The following SH3BGR variants were observed in gnomAD, a reference collection of about 807,000 sequenced individuals.
The protein encoded by SH3BGR is SH3 domain binding glutamate rich protein, also known as SH3 domain-binding glutamic acid-rich protein.
In SH3BGR, 29 loss-of-function variants were observed where a neutral mutation model predicts 24.5. The observed-to-expected ratio is 1.18, with a 90% CI of 0.88 to 1.61. SH3BGR has a LOEUF of 1.61. SH3BGR is among the 40% of genes most tolerant of loss of function. SH3BGR has a pLI of 0.00. For missense variants in SH3BGR, 162 were observed against 205.8 expected, an observed-to-expected ratio of 0.79 and a Z score of 1.30; for synonymous variants, 55 against 65.7, an observed-to-expected ratio of 0.84 and a Z score of 0.79.
rs755347374 is a variant in SH3BGR at position 39,462,392 on chromosome 21, A to T, written c.63A>T (p.Gln21His). Reference protein sequence around the residue: ...SGSIAIRKKQQEVVGFLEANK... With the variant: ...SGSIAIRKKQHEVVGFLEANK... ...TTGACCAGATTAGGAAGAAACAGCA[A>T]GAAGTAGTGGGTTTTTTGGAAGCGA... The change falls in exon 2 of 7, where the codon CAA (glutamine) becomes CAT (histidine). Residue 21 changes from glutamine (Q) to histidine (H), a missense_variant. Transcript: ENST00000333634. 1.9e-6 allele frequency: 3 copies of T among 1,607,362 alleles called. No homozygotes were observed. The East Asian group carries it at 6.7e-5, about 36-fold the overall frequency.
intron 1 of SH3BGR, among the ~76,000 whole-genome samples, chr21:39,457,189 A>G (rs931340752): frequency 2.7e-5 from 4 of 145,760 alleles, no homozygotes; most frequent in South Asian, 4.2e-4. Context: ...TGTAAGTTAT[A>G]TTACATTATA....
At chr21:39,482,802 TGGG>T (rs953739951) in intron 3 of SH3BGR, among the ~76,000 whole-genome samples, 2 of 152,152 alleles carry the variant, frequency 1.3e-5, no homozygotes, top group Non-Finnish European at 2.9e-5. Flanking sequence ...CCAGAGTAGC[TGGG>T]GTTACCCGTG....
chr21:39,463,861 T>A (rs1210307922), intron 2 of SH3BGR, among the ~76,000 whole-genome samples: 1 of 152,218 alleles, frequency 6.6e-6, no homozygotes, highest in African/African-American at 2.4e-5. Context: ...TTCCTAGGGT[T>A]GCTGTATCAA....
At chr21:39,490,433 C>T (rs895185404) in intron 3 of SH3BGR, among the ~76,000 whole-genome samples, 3 of 152,160 alleles carry the variant, frequency 2.0e-5, no homozygotes, top group African/African-American at 7.2e-5. Flanking sequence ...AGAATATCTC[C>T]GACCATGATT....
intron 1 of SH3BGR, among the ~76,000 whole-genome samples, chr21:39,452,575 C>A (rs1463541206): frequency 6.6e-6 from 1 of 152,168 alleles, no homozygotes; most frequent in Non-Finnish European, 1.5e-5. Context: ...GGTGTAATCA[C>A]TTGTATATGC....
intron 3 of SH3BGR, among the ~76,000 whole-genome samples, chr21:39,485,427 T>C (rs9983297): frequency 0.56 from 84,530 of 151,980 alleles, 23,906 homozygotes; most frequent in East Asian, 0.68. Flanking sequence ...ACAACATTAT[T>C]ATGATGTATG....
At position 39,462,513 on chromosome 21, in the gene SH3BGR, G is replaced by A; in HGVS notation, c.184G>A (p.Gly62Arg). The change falls in exon 2 of 7, where the codon GGG (glycine) becomes AGG (arginine). Residue 62 changes from glycine to arginine, a missense_variant. By Grantham distance (125) the Gly-to-Arg change is moderately radical. Coordinates refer to ENST00000333634, the MANE Select transcript of SH3BGR (RefSeq NM_007341.3). ...NVPGEKKPQN[G>R]IPLPPQIFNE... ...TCCTGGAGAGAAAAAACCTCAAAAT[G>A]GGATTCCTTTGCCTCCCCAGATCTT... 6.2e-7 allele frequency: 1 copy of A among 1,606,220 alleles called. No individual in the cohort carries two copies. The highest frequency in any genetic ancestry group is 8.5e-7 in the Non-Finnish European group (1 of 1,178,358).
At chr21:39,504,956 G>A (rs2078558121) in intron 4 of SH3BGR, among the ~76,000 whole-genome samples, 1 of 152,098 alleles carries the variant, frequency 6.6e-6, no homozygotes, top group South Asian at 2.1e-4. Flanking sequence ...GGGACTATAG[G>A]CACAGGCCAC....
At chr21:39,483,888 T>G (rs1488351975) in intron 3 of SH3BGR, among the ~76,000 whole-genome samples, 2 of 152,186 alleles carry the variant, frequency 1.3e-5, no homozygotes, top group African/African-American at 4.8e-5. Flanking sequence ...CACTTGGTAT[T>G]GGAAGATTTA....
intron 2 of SH3BGR, among the ~76,000 whole-genome samples, chr21:39,466,054 T>G (rs2077836163): frequency 1.3e-5 from 2 of 152,322 alleles, no homozygotes; most frequent in South Asian, 4.1e-4. Flanking sequence ...GGTATGAGTG[T>G]GTATATATAT....
intron 2 of SH3BGR, among the ~76,000 whole-genome samples, chr21:39,468,636 C>T (rs886783671): frequency 6.6e-6 from 1 of 152,150 alleles, no homozygotes; most frequent in African/African-American, 2.4e-5. Flanking sequence ...ATGGCATCTC[C>T]CTATGCTGCT....
chr21:39,492,625 C>G (rs762750981), intron 3 of SH3BGR, among the ~76,000 whole-genome samples: 16 of 152,044 alleles, frequency 1.1e-4, no homozygotes, highest in African/African-American at 2.2e-4. Flanking sequence ...TTCTTTTCCT[C>G]TGGGTAGATA....
In SH3BGR at chr21:39,454,918, T is replaced by A. The variant is rs141692924; in HGVS notation, c.45+2777T>A. ...ACAAAATGCTTTTCCATGCATCATC[T>A]TCTTCAGTTCCCACCAAAACACTGT... On this transcript the variant is annotated intron_variant, in intron 1 of 6. Coordinates refer to ENST00000333634, the MANE Select transcript of SH3BGR (RefSeq NM_007341.3). Among the ~76,000 whole-genome samples the A allele has an allele frequency of 1.4e-4, 22 of 152,344 alleles. No homozygotes were observed. In the East Asian group the frequency reaches 3.1e-3, roughly 21 times the overall value.
intron 6 of SH3BGR, among the ~76,000 whole-genome samples, chr21:39,512,121 A>G (rs1383147075): frequency 6.6e-6 from 1 of 152,216 alleles, no homozygotes; most frequent in Admixed American, 6.5e-5. Flanking sequence ...CTCTTCCTCT[A>G]TATAAACTTT....
At chr21:39,468,366 C>G (rs1181700625) in intron 2 of SH3BGR, among the ~76,000 whole-genome samples, 1 of 152,228 alleles carries the variant, frequency 6.6e-6, no homozygotes, top group East Asian at 1.9e-4. Context: ...TTAAGAAGGA[C>G]AGTATACTAT....
intron 3 of SH3BGR, among the ~76,000 whole-genome samples, chr21:39,497,831 T>C (rs1433703278): frequency 1.3e-5 from 2 of 152,230 alleles, no homozygotes; most frequent in Non-Finnish European, 2.9e-5. Flanking sequence ...AACAATCATC[T>C]TCACTGGTTA....
intron 4 of SH3BGR, among the ~76,000 whole-genome samples, chr21:39,500,601 G>C (rs1484214852): frequency 6.6e-6 from 1 of 151,686 alleles, no homozygotes; most frequent in Non-Finnish European, 1.5e-5. Context: ...CAAGGAAGGA[G>C]CCTGGTGGGG....
chr21:39,480,983 C>G (rs935700761), intron 3 of SH3BGR, among the ~76,000 whole-genome samples: 3 of 152,168 alleles, frequency 2.0e-5, no homozygotes, highest in African/African-American at 7.2e-5. Context: ...CCACTTTGTT[C>G]CTTTCCCCAT....
chr21:39,500,676 C>T (rs2078479457), intron 4 of SH3BGR, among the ~76,000 whole-genome samples: 1 of 152,138 alleles, frequency 6.6e-6, no homozygotes, highest in Non-Finnish European at 1.5e-5. Context: ...GGCTTCTCCA[C>T]TGGGTCAGTT....
Sources: allele counts gnomAD v4.1 joint callset (sites outside exome capture counted in the v4.1 genomes callset), GRCh38; gene constraint gnomAD v4.1.1; transcripts MANE v1.5; gene names NCBI Gene and HGNC (gene_info 2026-07-23, HGNC 2026-07-21).